TKT: variants seen among roughly 807,000 people sequenced by gnomAD.
TKT encodes the protein epididymis luminal protein 107.
A neutral mutation model predicts 63.9 loss-of-function variants in TKT; 47 were observed. The observed-to-expected ratio is 0.74, with a 90% CI of 0.58 to 0.94. TKT has a LOEUF of 0.94. Among genes scored for constraint, TKT ranks in the 40% least tolerant of loss-of-function variants. The pLI is 0.00. For missense variants in TKT, 721 were observed against 846.2 expected, an observed-to-expected ratio of 0.85 and a Z score of 1.84; for synonymous variants, 338 against 334.1, an observed-to-expected ratio of 1.01 and a Z score of -0.13.
intron 6 of TKT, 169 bp from the exon 7 acceptor site, chr3:53,231,719 G>T (rs1047341269): frequency 1.4e-5 from 9 of 653,762 alleles, no homozygotes; most frequent in East Asian, 1.4e-4. Context: ...AAGGAGGGTC[G>T]CAGTGAATAG....
chr3:53,245,716 C>T (rs910799488), intron 1 of TKT, among the ~76,000 whole-genome samples: 1 of 152,034 alleles, frequency 6.6e-6, no homozygotes, highest in African/African-American at 2.4e-5. Flanking sequence ...ACCCCGGAGG[C>T]GTGGGTTGCA....
At position 53,230,452 on chromosome 3, in the gene TKT, C is replaced by A. The variant is rs781816182; in HGVS notation, c.1107+5G>T. On this transcript the variant is annotated splice_donor_5th_base_variant and intron_variant, in intron 8 of 13. Transcript: ENST00000462138. ...GGACCTGTCCCTGCCGGCCCCAGCA[C>A]CTACCATGTTCTGCTCAGCAATGTA... 18 of 1,614,224 alleles carry A rather than the reference C, an allele frequency of 1.1e-5. No homozygotes were observed. The highest frequency in any genetic ancestry group is 1.7e-5 in the Admixed American group (1 of 60,034).
intron 4 of TKT, among the ~76,000 whole-genome samples, chr3:53,239,124 T>C (rs1705160553): frequency 6.6e-6 from 1 of 152,158 alleles, no homozygotes; most frequent in Admixed American, 6.5e-5. Context: ...ACAAACTCTC[T>C]CTTTGCCTGC....
intron 1 of TKT, among the ~76,000 whole-genome samples, chr3:53,249,849 G>A (rs1049961493): frequency 2.6e-5 from 4 of 152,150 alleles, no homozygotes; most frequent in Admixed American, 6.5e-5. Context: ...CTCTAGAAGT[G>A]TCCCCAGCAC....
At chr3:53,247,075 TA>T (rs1460470773) in intron 1 of TKT, among the ~76,000 whole-genome samples, 1 of 147,910 alleles carries the variant, frequency 6.8e-6, no homozygotes, top group African/African-American at 2.6e-5. Flanking sequence ...TTTTTTTTTT[TA>T]AATATTCAGG....
rs377506783 is a variant in TKT, at chr3:53,229,019, G to A, written c.1383C>T (p.Ala461=). ...GVATEKAVEL[A]ANTKGICFIR... is the part of the protein sequence containing the mutation. ...CCATGCAACCTACCTTTGTATTGGC[G>A]GCTAGTTCCACTGCCTTCTCTGTAG... Residue 461 remains alanine, a synonymous_variant, in exon 10 of 14, where the codon GCC becomes GCT. Transcript: ENST00000462138. The A allele has an allele frequency of 9.3e-6, 15 of 1,613,990 alleles. No individual in the cohort carries two copies. The highest frequency in any genetic ancestry group is 8.0e-5 in the African/African-American group (6 of 74,902).
Position 53,235,051 on chromosome 3 carries a change from C to G in TKT, c.561G>C (p.Leu187=), listed in dbSNP as rs1553678198. Residue 187 remains leucine, a synonymous_variant, in exon 5 of 14, where the codon CTG becomes CTC. Transcript: ENST00000462138. Reference sequence around the variant, plus strand: ...GCAGTGGGGCCGGGTCACTCTGGCCCAGGCGATTGATGTCTAGAATGGCCA... The same window carrying G: ...GCAGTGGGGCCGGGTCACTCTGGCCGAGGCGATTGATGTCTAGAATGGCCA... ...NLVAILDINR[L]GQSDPAPLQH... is the part of the protein sequence containing the mutation. 1.2e-6 allele frequency: 2 copies of G among 1,614,008 alleles called. No homozygotes were observed.
intron 3 of TKT, among the ~76,000 whole-genome samples, 164 bp from the exon 4 acceptor site, chr3:53,240,512 A>T (rs1553679585): frequency 6.6e-6 from 1 of 152,184 alleles, no homozygotes; most frequent in Admixed American, 6.5e-5. Context: ...CTAATGAACT[A>T]ATTATAATTA....
chr3:53,252,599 A>T (rs1705799643), intron 1 of TKT, among the ~76,000 whole-genome samples: 2 of 152,064 alleles, frequency 1.3e-5, no homozygotes, highest in South Asian at 4.1e-4. Flanking sequence ...ACATGGTGTA[A>T]CTCTCGGACA....
intron 1 of TKT, among the ~76,000 whole-genome samples, chr3:53,247,262 C>A (rs1160417943): frequency 6.9e-6 from 1 of 145,252 alleles, no homozygotes; most frequent in Non-Finnish European, 1.5e-5. Flanking sequence ...GAGACTGAGG[C>A]AGGAGAATCG....
At position 53,231,269 on chromosome 3, in the gene TKT, T is replaced by C. The variant is rs538096084; in HGVS notation, c.942+88A>G. On this transcript the variant is annotated intron_variant, in intron 7 of 13. Coordinates refer to ENST00000462138, the MANE Select transcript of TKT (RefSeq NM_001064.4). ...GCCCTAAATGAATCGCTCTCCTCCC[T>C]TTCCCAGCCCTCCAGAGGGTGTATC... 7 of 1,476,312 alleles carry C rather than the reference T, an allele frequency of 4.7e-6. No individual in the cohort carries two copies. The East Asian group carries it at 1.1e-4, about 24-fold the overall frequency. The allele number at this position is 1,476,312 out of a possible 1,614,324, so 91.5% of individuals were successfully genotyped here. A position where few individuals can be genotyped will look rare whatever the true frequency, so the allele number is the denominator to read the frequency against.
chr3:53,229,412 T>C lies in TKT; in HGVS notation c.1132A>G (p.Thr378Ala). 1 of 1,609,848 alleles carries C rather than the reference T, an allele frequency of 6.2e-7. No individual in the cohort carries two copies. Among genetic ancestry groups the C allele is most frequent in the Non-Finnish European group, 8.5e-7 (1 of 1,178,148 alleles). Residue 378 changes from threonine (T) to alanine (A), a missense_variant, in exon 9 of 14, where the codon ACC becomes GCC. Thr to Ala is a moderately conservative substitution (Grantham distance 58). Transcript: ENST00000462138. ...CAGAAGGGCACCGTCCTGTTGCGGG[T>C]GGCACAGCCCACCGCGATGCTCACC... ...NMVSIAVGCA[T>A]RNRTVPFCST... is the part of the protein sequence containing the mutation.
chr3:53,225,968 T>C (rs1265655514), intron 13 of TKT, 37 bp from the exon 14 acceptor site: 1 of 1,585,938 alleles, frequency 6.3e-7, no homozygotes, highest in African/African-American at 1.3e-5. Flanking sequence ...AGACGAGGCC[T>C]CAGGGTGAGC....
At position 53,233,206 on chromosome 3, in the gene TKT, T is replaced by C. The variant is rs1575563102; in HGVS notation, c.698A>G (p.His233Arg). The change falls in exon 6 of 14, where the codon CAC (histidine) becomes CGC (arginine). Residue 233 changes from histidine (H) to arginine (R), a missense_variant. His to Arg is a conservative substitution (Grantham distance 29). Transcript: ENST00000462138. ...CTTGGCAATGATGGCTGTTGGCTGG[T>C]GCTTGGCCTGGCCAAAGGCCTTGCA... ...ELCKAFGQAK[H>R]QPTAIIAKTF... The C allele has an allele frequency of 1.4e-5, 22 of 1,613,924 alleles. No individual in the cohort carries two copies. Among genetic ancestry groups the C allele is most frequent in the Non-Finnish European group, 1.9e-5 (22 of 1,179,926 alleles).
chr3:53,230,401 T>TCAGACCA, intron 8 of TKT, 56 bp downstream of exon 8: 1 of 1,610,516 alleles, frequency 6.2e-7, no homozygotes, highest in South Asian at 1.1e-5. Context: ...CCCGCACCCC[T>TCAGACCA]CAGACCACAG....
intron 1 of TKT, among the ~76,000 whole-genome samples, chr3:53,251,702 AC>A (rs1705754210): frequency 6.6e-6 from 1 of 152,196 alleles, no homozygotes; most frequent in African/African-American, 2.4e-5. Flanking sequence ...ACATGGTAGC[AC>A]ATGTCTGTGG....
chr3:53,253,300 TTC>T lies in TKT; in HGVS notation c.107+2534_107+2535del, dbSNP rs549993750. 1.8e-4 allele frequency among the ~76,000 whole-genome samples: 27 copies of T among 151,620 alleles called. 1 individual carries two copies. The highest frequency in any genetic ancestry group is 3.4e-3 in the Middle Eastern group (1 of 292). ...TTTTCTTTTCTTGGCCTTTCTTTCT[TTC>T]TCTCTCTCTCTCTTTCTTTCTTTTG... On this transcript the variant is annotated intron_variant, in intron 1 of 13. Transcript: ENST00000462138.
intron 1 of TKT, among the ~76,000 whole-genome samples, chr3:53,254,461 C>G (rs1469191433): frequency 6.6e-6 from 1 of 151,676 alleles, no homozygotes; most frequent in African/African-American, 2.4e-5. Context: ...AACAGGGTGT[C>G]TTAGAGGCAC....
chr3:53,247,938 G>T (rs140032206), intron 1 of TKT, among the ~76,000 whole-genome samples: 1 of 152,268 alleles, frequency 6.6e-6, no homozygotes, highest in East Asian at 1.9e-4. Context: ...AGCTCCTTGA[G>T]GACAGAGCTT....
Sources: allele counts gnomAD v4.1 joint callset (sites outside exome capture counted in the v4.1 genomes callset), GRCh38; gene constraint gnomAD v4.1.1; transcripts MANE v1.5; gene names NCBI Gene and HGNC (gene_info 2026-07-23, HGNC 2026-07-21).